The following CYP3A4 variants were observed in gnomAD, a reference collection of about 807,000 sequenced individuals.
CYP3A4 encodes cytochrome P450 3A4.
In CYP3A4, 41 loss-of-function variants were observed where a neutral mutation model predicts 54.9. The observed-to-expected ratio is 0.75, with a 90% CI of 0.58 to 0.97. CYP3A4 has a LOEUF of 0.97. Among genes scored for constraint, CYP3A4 ranks in the 50% least tolerant of loss-of-function variants. The pLI is 0.00. For synonymous variants in CYP3A4, 179 were observed against 205.2 expected (o/e 0.87, Z 1.09); for missense variants, 510 against 597.3 (o/e 0.85, Z 1.52).
chr7:99,765,561 T>C (rs986192435), intron 9 of CYP3A4, among the ~76,000 whole-genome samples: 5 of 152,182 alleles, frequency 3.3e-5, no homozygotes, highest in Non-Finnish European at 5.9e-5. Context: ...AAAGTGGATG[T>C]AGACATGGAT....
In CYP3A4 at chr7:99,784,000, C is replaced by A; in HGVS notation, c.71+11G>T. 1.2e-6 allele frequency: 2 copies of A among 1,613,546 alleles called. No individual in the cohort carries two copies. Among genetic ancestry groups the A allele is most frequent in the South Asian group, 1.1e-5 (1 of 91,074 alleles). On this transcript the variant is annotated intron_variant, in intron 1 of 12. Transcript: ENST00000651514. ...AGGAAACAGAGAAGAGGAGCCTGGA[C>A]AGTTACTCACAGATAGAGGAGCACC...
chr7:99,780,227 C>G, intron 1 of CYP3A4, 142 bp from the exon 2 acceptor site: 1 of 795,412 alleles, frequency 1.3e-6, no homozygotes, highest in Non-Finnish European at 2.0e-6. Flanking sequence ...ACTCTGACGG[C>G]AATGATTATA....
chr7:99,766,304 T>C, intron 9 of CYP3A4, 73 bp downstream of exon 9: 1 of 1,545,168 alleles, frequency 6.5e-7, no homozygotes, highest in East Asian at 2.3e-5. Flanking sequence ...CCTGGAATAC[T>C]TCCTGCACAT....
At chr7:99,778,113 TA>T in intron 2 of CYP3A4, 33 bp from the exon 3 acceptor site, 1 of 1,556,098 alleles carries the variant, frequency 6.4e-7, no homozygotes, top group Non-Finnish European at 8.8e-7. Flanking sequence ...ATTTGATTAT[TA>T]TTTTTAATGT....
chr7:99,765,058 T>A (rs1815440521), intron 9 of CYP3A4, among the ~76,000 whole-genome samples: 1 of 152,206 alleles, frequency 6.6e-6, no homozygotes, highest in African/African-American at 2.4e-5. Context: ...AGCTGTGATT[T>A]ACCAGTGAAG....
intron 6 of CYP3A4, chr7:99,769,522 A>C (rs532359373): frequency 1.9e-5 from 10 of 512,830 alleles, no homozygotes; most frequent in African/African-American, 1.9e-4. Flanking sequence ...TAGAATATCC[A>C]AGGTGACAAT....
At chr7:99,772,498 A>G (rs1394866201) in intron 4 of CYP3A4, 92 bp downstream of exon 4, 1 of 1,537,968 alleles carries the variant, frequency 6.5e-7, no homozygotes, top group Non-Finnish European at 8.9e-7. Flanking sequence ...ACCTTCCTGG[A>G]CATTTTTTAG....
At position 99,768,516 on chromosome 7, in the gene CYP3A4, G is replaced by C; in HGVS notation, c.522-14C>G. On this transcript the variant is annotated splice_polypyrimidine_tract_variant and intron_variant, in intron 6 of 12. Transcript: ENST00000651514. The stretch of plus-strand genomic sequence containing the variant: ...GCCCCAAAGACGCTGAGTGGAGAAA[G>C]ATGTGGAAAATTAAAATCAGCACCT... The C allele has an allele frequency of 6.2e-7, 1 of 1,613,380 alleles. No individual in the cohort carries two copies. Among genetic ancestry groups the C allele is most frequent in the African/African-American group, 1.3e-5 (1 of 75,022 alleles).
Position 99,762,049 on chromosome 7 carries a change from G to C in CYP3A4, c.1245C>G (p.Leu415=), listed in dbSNP as rs768110986. Residue 415 remains leucine (L), a synonymous_variant, in exon 11 of 13, where the codon CTC becomes CTG. Transcript: ENST00000651514. ...TCCCAGGGGCCTTGTACCTTTCAGGGAGGAACTTCTCAGGCTCTGTCCAGT... is the reference window on the plus strand; with the variant it reads ...TCCCAGGGGCCTTGTACCTTTCAGGCAGGAACTTCTCAGGCTCTGTCCAGT... The part of the protein sequence containing the change: ...PKYWTEPEKF[L]PERFSKKNKD... 6.2e-5 allele frequency: 100 copies of C among 1,613,970 alleles called. No homozygotes were observed. Among genetic ancestry groups the C allele is most frequent in the Non-Finnish European group, 8.1e-5 (95 of 1,179,976 alleles).
chr7:99,780,033 T>G lies in CYP3A4; in HGVS notation c.124A>C (p.Thr42Pro). Residue 42 changes from threonine (T) to proline (P), a missense_variant, in exon 2 of 13, where the codon ACA becomes CCA. This residue lies in a region of CYP3A4 where 272 missense variants were observed against 274.9 expected (regional missense o/e 0.99). Coordinates refer to ENST00000651514, the MANE Select transcript of CYP3A4 (RefSeq NM_017460.6). Reference sequence around the variant, plus strand: ...ATATTTCCCAAAAAAGGCAGAGGTGTGGGCCCTGGAATTCCAAGCTTCTTA... The same window carrying G: ...ATATTTCCCAAAAAAGGCAGAGGTGGGGGCCCTGGAATTCCAAGCTTCTTA... ...LFKKLGIPGP[T>P]PLPFLGNILS... 6.2e-7 allele frequency: 1 copy of G among 1,613,608 alleles called. No homozygotes were observed. The highest frequency in any genetic ancestry group is 1.1e-5 in the South Asian group (1 of 91,060).
At chr7:99,774,163 T>C (rs1485986993) in intron 3 of CYP3A4, among the ~76,000 whole-genome samples, 1 of 152,184 alleles carries the variant, frequency 6.6e-6, no homozygotes, top group Non-Finnish European at 1.5e-5. Context: ...AATCTCTGAA[T>C]AGACCAATAA....
intron 3 of CYP3A4, 62 bp from the exon 4 acceptor site, chr7:99,772,751 C>T: frequency 1.9e-6 from 3 of 1,557,232 alleles, no homozygotes; most frequent in East Asian, 2.3e-5. Context: ...TGGAGCCCAA[C>T]CCAGGAAGCC....
intron 11 of CYP3A4, 78 bp downstream of exon 11, chr7:99,761,963 G>T: frequency 8.0e-7 from 1 of 1,245,942 alleles, no homozygotes; most frequent in Non-Finnish European, 1.2e-6. Context: ...CCACATGACT[G>T]TCCTGTAGAT....
chr7:99,769,001 T>C (rs532474212), intron 6 of CYP3A4, among the ~76,000 whole-genome samples: 1 of 152,320 alleles, frequency 6.6e-6, no homozygotes, highest in African/African-American at 2.4e-5. Flanking sequence ...TTCTCTATAC[T>C]CCCTGCTCAA....
chr7:99,767,593 C>T (rs1377677205), intron 7 of CYP3A4, among the ~76,000 whole-genome samples: 2 of 152,130 alleles, frequency 1.3e-5, no homozygotes, highest in Non-Finnish European at 2.9e-5. Flanking sequence ...TAATCTGAAG[C>T]TCAAAATTAA....
At chr7:99,759,454 G>A (rs1203112395) in intron 12 of CYP3A4, among the ~76,000 whole-genome samples, 2 of 150,986 alleles carry the variant, frequency 1.3e-5, no homozygotes, top group South Asian at 2.2e-4. Context: ...GCATATGCAC[G>A]AATGGCATTT....
At chr7:99,762,333 A>AATGGACT in intron 10 of CYP3A4, 66 bp from the exon 11 acceptor site, 2 of 1,559,712 alleles carry the variant, frequency 1.3e-6, no homozygotes, top group Non-Finnish European at 1.7e-6. Context: ...CAGTCCATGC[A>AATGGACT]GTACTAATGA....
intron 11 of CYP3A4, 52 bp from the exon 12 acceptor site, chr7:99,761,033 G>A (rs1563038883): frequency 2.5e-6 from 4 of 1,586,648 alleles, no homozygotes; most frequent in Middle Eastern, 3.3e-4. Context: ...ATACCCCTAA[G>A]AGTTACATGT....
At chr7:99,770,263 C>G in intron 4 of CYP3A4, 28 bp from the exon 5 acceptor site, 1 of 1,576,628 alleles carries the variant, frequency 6.3e-7, no homozygotes, top group Non-Finnish European at 8.7e-7. Context: ...AACATTTTGT[C>G]CTACATCAGT....
Sources: gnomAD v4.1 joint callset for allele counts (sites outside exome capture counted in the v4.1 genomes callset) on GRCh38, gnomAD v4.1.1 for gene constraint, gnomAD v4.1.1 regional missense constraint, MANE v1.5 for transcripts, NCBI Gene and HGNC (gene_info 2026-07-23, HGNC 2026-07-21) for gene names.